Variants in ARHGAP12 observed in about 807,000 individuals in gnomAD.
ARHGAP12 encodes the protein rho GTPase-activating protein 12.
In ARHGAP12, 64 loss-of-function variants were observed where a neutral mutation model predicts 108.6. That is an observed-to-expected ratio of 0.59 (90% CI 0.48 to 0.73). ARHGAP12 has a LOEUF of 0.73. Ranked by LOEUF, ARHGAP12 falls within the 30% of genes least tolerant of loss-of-function variation. ARHGAP12 has a pLI of 0.00. For synonymous variants in ARHGAP12, 312 were observed against 337.2 expected (o/e 0.93, Z 0.82); for missense variants, 940 against 1,005.9 (o/e 0.93, Z 0.89).
chr10:31,867,183 C>T (rs954679511), intron 3 of ARHGAP12, among the ~76,000 whole-genome samples: 2 of 144,716 alleles, frequency 1.4e-5, no homozygotes, highest in Non-Finnish European at 3.0e-5. Flanking sequence ...GGTGTGATTT[C>T]AGCTCACTGC....
chr10:31,897,499 G>A (rs1472548573), intron 3 of ARHGAP12, among the ~76,000 whole-genome samples: 3 of 152,052 alleles, frequency 2.0e-5, no homozygotes, highest in East Asian at 1.9e-4. Context: ...GGGTGGGGGC[G>A]CCTACCTTAA....
chr10:31,867,335 A>C (rs1054812288), intron 3 of ARHGAP12, among the ~76,000 whole-genome samples: 59 of 152,154 alleles, frequency 3.9e-4, no homozygotes, highest in African/African-American at 1.3e-3. Context: ...TCTCTGGCAA[A>C]AAGAAAGTGC....
At chr10:31,916,873 C>G (rs1839578421) in intron 1 of ARHGAP12, among the ~76,000 whole-genome samples, 1 of 151,934 alleles carries the variant, frequency 6.6e-6, no homozygotes. Flanking sequence ...CCTTGGCCTC[C>G]CAAAGTGCTG....
At chr10:31,810,833 C>T in intron 15 of ARHGAP12, 86 bp from the exon 16 acceptor site, 1 of 983,304 alleles carries the variant, frequency 1.0e-6, no homozygotes, top group South Asian at 1.4e-5. Context: ...GCAACAGAAA[C>T]ATCCAGCGTA....
rs752608561 is a variant in ARHGAP12 at position 31,908,329 on chromosome 10, G to A, written c.527C>T (p.Ser176Leu). Residue 176 changes from serine (S) to leucine (L), a missense_variant, in exon 3 of 20, where the codon TCA becomes TTA. By Grantham distance (145) the Ser-to-Leu change is moderately radical (BLOSUM62 -2). Coordinates refer to ENST00000344936, the MANE Select transcript of ARHGAP12 (RefSeq NM_018287.7). ...CTCTGGACCGGGAAAATGACCAAAT[G>A]AGCGTGTCCTATTCTGGCTGGAAAC... ...PKVSSQNRTR[S>L]FGHFPGPEFL... 7.1e-5 allele frequency: 115 copies of A among 1,614,024 alleles called. No homozygotes were observed. The highest frequency in any genetic ancestry group is 9.2e-5 in the Non-Finnish European group (109 of 1,180,030).
Position 31,809,279 on chromosome 10 carries a change from TACTCTGTATATCC to T in ARHGAP12, c.2066_2078del (p.Gly689GlufsTer7). On this transcript the variant is annotated frameshift_variant, in exon 17 of 20. Transcript: ENST00000344936. LOFTEE classifies it high-confidence loss of function. Reference sequence around the variant, plus strand: ...TCTGGATCACTGCGAGGTTGCCACTTACTCTGTATATCCCATCAATATCCAAACCTAAGAGACA... The same window carrying T: ...TCTGGATCACTGCGAGGTTGCCACTTCATCAATATCCAAACCTAAGAGACA... 6.2e-7 allele frequency: 1 copy of T among 1,613,928 alleles called. No homozygotes were observed. Among genetic ancestry groups the T allele is most frequent in the Non-Finnish European group, 8.5e-7 (1 of 1,179,842 alleles).
intron 3 of ARHGAP12, among the ~76,000 whole-genome samples, chr10:31,901,489 C>T (rs1838921675): frequency 8.0e-6 from 1 of 124,800 alleles, no homozygotes; most frequent in Non-Finnish European, 1.6e-5. Context: ...GGCAAGATCA[C>T]ATCACTGTAC....
intron 3 of ARHGAP12, among the ~76,000 whole-genome samples, chr10:31,888,560 T>A (rs1040157440): frequency 6.6e-6 from 1 of 152,184 alleles, no homozygotes; most frequent in Non-Finnish European, 1.5e-5. Context: ...AAAAGAATCC[T>A]GACAGTGAAC....
intron 11 of ARHGAP12, among the ~76,000 whole-genome samples, chr10:31,824,068 T>TTA (rs1835510623): frequency 6.6e-6 from 1 of 152,160 alleles, no homozygotes; most frequent in Admixed American, 6.5e-5. Flanking sequence ...TCATAATACA[T>TTA]TATACGCACT....
At chr10:31,846,143 C>T (rs1247537551) in intron 6 of ARHGAP12, among the ~76,000 whole-genome samples, 7 of 152,008 alleles carry the variant, frequency 4.6e-5, no homozygotes, top group Non-Finnish European at 8.8e-5. Context: ...AATAGAAACC[C>T]TACCAAAAAT....
At chr10:31,886,723 T>C (rs1012171526) in intron 3 of ARHGAP12, among the ~76,000 whole-genome samples, 5 of 152,150 alleles carry the variant, frequency 3.3e-5, no homozygotes, top group African/African-American at 1.2e-4. Context: ...GGTTATCTGC[T>C]CTCCCCCTCA....
chr10:31,810,868 TA>T, intron 15 of ARHGAP12, 121 bp from the exon 16 acceptor site: 1 of 689,138 alleles, frequency 1.5e-6, no homozygotes, highest in East Asian at 2.8e-5. Flanking sequence ...AACATGGCCC[TA>T]TGCCTTATGC....
In ARHGAP12 at chr10:31,874,228, C is replaced by T. The variant is rs74127862; in HGVS notation, c.685-12570G>A. Among the ~76,000 whole-genome samples the T allele has an allele frequency of 3.9e-3, 588 of 152,090 alleles. 3 individuals carry two copies. Among genetic ancestry groups the T allele is most frequent in the African/African-American group, 0.014 (574 of 41,480 alleles). On this transcript the variant is annotated intron_variant, in intron 3 of 19. Coordinates refer to ENST00000344936, the MANE Select transcript of ARHGAP12 (RefSeq NM_018287.7). The stretch of plus-strand genomic sequence containing the variant: ...AGTTTTAAGATATACATTTAAATGC[C>T]CAACATACCATCTTTTCTGTCTCTC...
At chr10:31,899,823 T>C (rs1274569140) in intron 3 of ARHGAP12, among the ~76,000 whole-genome samples, 1 of 152,186 alleles carries the variant, frequency 6.6e-6, no homozygotes, top group Non-Finnish European at 1.5e-5. Flanking sequence ...AATGAGTTTT[T>C]AGATACAACA....
intron 3 of ARHGAP12, among the ~76,000 whole-genome samples, chr10:31,874,532 CAGAA>C (rs762798499): frequency 6.6e-6 from 1 of 152,062 alleles, no homozygotes; most frequent in South Asian, 2.1e-4. Context: ...GTCTTGAAAA[CAGAA>C]AGAAAATTAA....
At chr10:31,837,891 C>T (rs1836087643) in intron 9 of ARHGAP12, among the ~76,000 whole-genome samples, 1 of 152,110 alleles carries the variant, frequency 6.6e-6, no homozygotes, top group Admixed American at 6.5e-5. Context: ...TACTGAGCAG[C>T]TATTATATGG....
intron 11 of ARHGAP12, among the ~76,000 whole-genome samples, chr10:31,823,534 T>C (rs1469969509): frequency 1.3e-5 from 2 of 152,032 alleles, no homozygotes; most frequent in Non-Finnish European, 2.9e-5. Flanking sequence ...GAACTTTGAA[T>C]AGCGTGGGTG....
chr10:31,842,012 T>C (rs1836287462), intron 7 of ARHGAP12, among the ~76,000 whole-genome samples: 2 of 152,048 alleles, frequency 1.3e-5, no homozygotes, highest in Admixed American at 1.3e-4. Context: ...CTTGCAACTC[T>C]GGGACAATGA....
chr10:31,917,343 T>C (rs958986742), intron 1 of ARHGAP12, among the ~76,000 whole-genome samples: 5 of 152,138 alleles, frequency 3.3e-5, no homozygotes, highest in South Asian at 4.2e-4. Context: ...GAGGCAGAGG[T>C]TGCAGTGAGC....
Sources: gnomAD v4.1 joint callset for allele counts (sites outside exome capture counted in the v4.1 genomes callset) on GRCh38, gnomAD v4.1.1 for gene constraint, MANE v1.5 for transcripts, NCBI Gene and HGNC (gene_info 2026-07-23, HGNC 2026-07-21) for gene names.